DSCAM: variants seen among roughly 807,000 people sequenced by gnomAD.
DSCAM encodes the protein DS cell adhesion molecule.
A neutral mutation model predicts 217.7 loss-of-function variants in DSCAM; 47 were observed. The ratio of observed to expected loss-of-function variants is 0.22; its 90% CI spans 0.17 to 0.28. The LOEUF is 0.28. DSCAM is among the 10% of genes least tolerant of loss of function. The pLI, the probability that DSCAM is intolerant of heterozygous loss-of-function variation, is 1.00. For missense variants in DSCAM, 2,080 were observed against 2,618.3 expected, an observed-to-expected ratio of 0.79 and a Z score of 4.49; for synonymous variants, 1,056 against 1,015.3, an observed-to-expected ratio of 1.04 and a Z score of -0.76.
At chr21:40,160,688 T>C (rs1161606856) in intron 16 of DSCAM, among the ~76,000 whole-genome samples, 1 of 152,234 alleles carries the variant, frequency 6.6e-6, no homozygotes, top group Non-Finnish European at 1.5e-5. Context: ...ACCCCTTTAG[T>C]TGCAACCTTA....
At chr21:40,243,938 T>C (rs2073187672) in intron 11 of DSCAM, among the ~76,000 whole-genome samples, 1 of 152,112 alleles carries the variant, frequency 6.6e-6, no homozygotes, top group Admixed American at 6.5e-5. Flanking sequence ...TCTGTGATGT[T>C]CATTTCAGTC....
chr21:40,659,380 T>TCTATCTAC (rs539596146), intron 3 of DSCAM, among the ~76,000 whole-genome samples: 41 of 145,648 alleles, frequency 2.8e-4, no homozygotes, highest in African/African-American at 1.1e-3. Flanking sequence ...TATCTATCTA[T>TCTATCTAC]CTATCTATCT....
At chr21:40,736,514 C>A (rs902560090) in intron 1 of DSCAM, among the ~76,000 whole-genome samples, 3 of 152,148 alleles carry the variant, frequency 2.0e-5, no homozygotes, top group African/African-American at 7.2e-5. Flanking sequence ...ATCACAGTAT[C>A]CACAGGGTTG....
intron 3 of DSCAM, among the ~76,000 whole-genome samples, chr21:40,440,073 T>A (rs940772849): frequency 2.3e-4 from 33 of 145,066 alleles, no homozygotes; most frequent in African/African-American, 8.4e-4. Flanking sequence ...GCAACCTGGG[T>A]CTTCTGAATG....
chr21:40,396,251 G>A (rs930250493), intron 3 of DSCAM, among the ~76,000 whole-genome samples: 1 of 152,136 alleles, frequency 6.6e-6, no homozygotes, highest in African/African-American at 2.4e-5. Context: ...TAAATGCCAT[G>A]CAATTGCACA....
At chr21:40,138,322 T>C (rs530441523) in intron 18 of DSCAM, among the ~76,000 whole-genome samples, 2 of 147,220 alleles carry the variant, frequency 1.4e-5, no homozygotes, top group Non-Finnish European at 3.0e-5. Flanking sequence ...GTATGGTGTA[T>C]GTGTGTGCTG....
At chr21:40,614,515 T>G (rs911665061) in intron 3 of DSCAM, among the ~76,000 whole-genome samples, 1 of 152,140 alleles carries the variant, frequency 6.6e-6, no homozygotes, top group Non-Finnish European at 1.5e-5. Flanking sequence ...TGGAACAACT[T>G]TTATGGAGGA....
At chr21:40,371,534 G>A (rs2074898931) in intron 3 of DSCAM, among the ~76,000 whole-genome samples, 1 of 152,082 alleles carries the variant, frequency 6.6e-6, no homozygotes, top group Non-Finnish European at 1.5e-5. Flanking sequence ...GAAGGATTTT[G>A]TGTGCCATTT....
chr21:40,318,286 G>T (rs1342153937), intron 8 of DSCAM, among the ~76,000 whole-genome samples: 3 of 151,208 alleles, frequency 2.0e-5, no homozygotes, highest in South Asian at 4.2e-4. Flanking sequence ...GTATACATGT[G>T]TAACTAACGT....
chr21:40,815,372 GCAGGCTGCCCCTCACA>G (rs1013940526), intron 1 of DSCAM, among the ~76,000 whole-genome samples: 1 of 151,894 alleles, frequency 6.6e-6, no homozygotes, highest in Non-Finnish European at 1.5e-5. Context: ...TGCCTTAAAG[GCAGGCTGCCCCTCACA>G]CAGACACAAG....
chr21:40,408,630 T>A (rs1291563437), intron 3 of DSCAM, among the ~76,000 whole-genome samples: 1 of 152,204 alleles, frequency 6.6e-6, no homozygotes, highest in Non-Finnish European at 1.5e-5. Flanking sequence ...TAAGATTTAG[T>A]TACATCATTT....
At chr21:40,578,651 T>G (rs2076876781) in intron 3 of DSCAM, among the ~76,000 whole-genome samples, 1 of 152,220 alleles carries the variant, frequency 6.6e-6, no homozygotes, top group Non-Finnish European at 1.5e-5. Flanking sequence ...CAATAAATCT[T>G]GCTGCCACTC....
intron 3 of DSCAM, among the ~76,000 whole-genome samples, chr21:40,665,330 C>T (rs572359045): frequency 6.6e-6 from 1 of 152,216 alleles, no homozygotes; most frequent in South Asian, 2.1e-4. Context: ...GGACAGAATC[C>T]TCTGCTGGGA....
intron 3 of DSCAM, among the ~76,000 whole-genome samples, chr21:40,650,687 G>A (rs139731940): frequency 1.4e-3 from 218 of 152,306 alleles, no homozygotes; most frequent in African/African-American, 4.5e-3. Context: ...AGGCCAAGGC[G>A]GGCGGATCAT....
intron 3 of DSCAM, among the ~76,000 whole-genome samples, chr21:40,508,963 A>G (rs2076237039): frequency 1.3e-5 from 2 of 151,448 alleles, no homozygotes; most frequent in South Asian, 4.2e-4. Flanking sequence ...GACAAAAGGA[A>G]TGATGGCAAA....
intron 1 of DSCAM, among the ~76,000 whole-genome samples, chr21:40,729,821 A>G (rs1002656804): frequency 3.9e-5 from 6 of 152,240 alleles, no homozygotes; most frequent in African/African-American, 1.4e-4. Context: ...GTGAAAATGT[A>G]GCACATTCAA....
chr21:40,508,402 T>TG (rs1194780542), intron 3 of DSCAM, among the ~76,000 whole-genome samples: 2 of 152,190 alleles, frequency 1.3e-5, no homozygotes, highest in East Asian at 3.9e-4. Flanking sequence ...AGTCTGTTTT[T>TG]GGATTATTAG....
intron 3 of DSCAM, among the ~76,000 whole-genome samples, chr21:40,445,174 A>G (rs1337413215): frequency 6.6e-6 from 1 of 152,162 alleles, no homozygotes; most frequent in Non-Finnish European, 1.5e-5. Context: ...TGGAGTTCTC[A>G]TGTCTTAATC....
intron 3 of DSCAM, among the ~76,000 whole-genome samples, chr21:40,578,280 G>T (rs1031873596): frequency 6.6e-6 from 1 of 152,162 alleles, no homozygotes; most frequent in Non-Finnish European, 1.5e-5. Context: ...TGTAGCAATA[G>T]GAGGTGAAGT....
Sources: allele counts gnomAD v4.1 joint callset (sites outside exome capture counted in the v4.1 genomes callset), GRCh38; gene constraint gnomAD v4.1.1; transcripts MANE v1.5; gene names NCBI Gene and HGNC (gene_info 2026-07-23, HGNC 2026-07-21).